EYS: variants seen among roughly 807,000 people sequenced by gnomAD.
The protein encoded by EYS is protein eyes shut homolog.
In EYS, 250 loss-of-function variants were observed where a neutral mutation model predicts 282.1. The ratio of observed to expected loss-of-function variants is 0.89; its 90% CI spans 0.80 to 0.98. The LOEUF (loss-of-function observed/expected upper bound fraction) is 0.98, where lower values mean the gene tolerates loss of function less well. Among genes scored for constraint, EYS ranks in the 50% least tolerant of loss-of-function variants. The pLI is 0.00. For synonymous variants in EYS, 1,355 were observed against 1,282.9 expected, an observed-to-expected ratio of 1.06 and a Z score of -1.20; for missense variants, 4,016 against 3,709.0, an observed-to-expected ratio of 1.08 and a Z score of -2.15.
At chr6:65,067,228 G>A (rs368846711) in intron 12 of EYS, among the ~76,000 whole-genome samples, 50 of 152,098 alleles carry the variant, frequency 3.3e-4, no homozygotes, top group African/African-American at 1.1e-3. Context: ...CCTGCAGCAG[G>A]TCATTTTTAA....
At chr6:65,505,545 T>C (rs1766625376) in intron 2 of EYS, among the ~76,000 whole-genome samples, 1 of 152,078 alleles carries the variant, frequency 6.6e-6, no homozygotes, top group Admixed American at 6.6e-5. Flanking sequence ...TATACGTTTG[T>C]CTCTGTGCAC....
intron 35 of EYS, among the ~76,000 whole-genome samples, chr6:63,930,087 G>A (rs1040205363): frequency 2.0e-5 from 3 of 151,918 alleles, no homozygotes; most frequent in South Asian, 2.1e-4. Flanking sequence ...TCTGTTTTCC[G>A]CCAGTTCCAC....
intron 12 of EYS, among the ~76,000 whole-genome samples, chr6:65,128,461 T>C (rs1000512002): frequency 1.3e-5 from 2 of 151,992 alleles, no homozygotes; most frequent in African/African-American, 4.8e-5. Flanking sequence ...CTAGAACTGA[T>C]AGACAACTTC....
chr6:65,065,475 C>T (rs1409148766), intron 12 of EYS, among the ~76,000 whole-genome samples: 2 of 151,616 alleles, frequency 1.3e-5, no homozygotes, highest in African/African-American at 2.4e-5. Flanking sequence ...CTCCACCTCC[C>T]GGGTTCACGC....
intron 41 of EYS, among the ~76,000 whole-genome samples, chr6:63,743,873 G>A (rs1382196659): frequency 6.6e-6 from 1 of 152,160 alleles, no homozygotes; most frequent in African/African-American, 2.4e-5. Context: ...TTGAACTCTG[G>A]CACTTTGATG....
At chr6:65,109,858 T>C (rs1364925684) in intron 12 of EYS, among the ~76,000 whole-genome samples, 1 of 152,144 alleles carries the variant, frequency 6.6e-6, no homozygotes, top group Non-Finnish European at 1.5e-5. Context: ...TAGTTGCTTA[T>C]TGTATTATAT....
intron 12 of EYS, among the ~76,000 whole-genome samples, chr6:65,224,800 A>C (rs181290155): frequency 5.1e-4 from 77 of 152,280 alleles, no homozygotes; most frequent in South Asian, 1.2e-3. Context: ...TATGCCAATA[A>C]TTTATATAAC....
intron 8 of EYS, among the ~76,000 whole-genome samples, chr6:65,364,924 T>A (rs918652493): frequency 1.3e-5 from 2 of 151,738 alleles, no homozygotes; most frequent in African/African-American, 4.8e-5. Context: ...TCAGTGATAG[T>A]GTGTGTCAAA....
chr6:64,655,258 G>A (rs1338392741), intron 22 of EYS, among the ~76,000 whole-genome samples: 1 of 151,996 alleles, frequency 6.6e-6, no homozygotes, highest in East Asian at 1.9e-4. Context: ...TTGCTGAACT[G>A]CATTAAGAGA....
chr6:64,452,077 T>C (rs1193524009), intron 26 of EYS, among the ~76,000 whole-genome samples: 6 of 152,290 alleles, frequency 3.9e-5, no homozygotes, highest in Non-Finnish European at 7.4e-5. Flanking sequence ...TTGTCCCTGT[T>C]TGCAGACAAC....
intron 2 of EYS, among the ~76,000 whole-genome samples, chr6:65,562,036 T>C (rs1223657885): frequency 6.6e-6 from 1 of 151,436 alleles, no homozygotes; most frequent in Non-Finnish European, 1.5e-5. Flanking sequence ...TATATATGTA[T>C]ATAATAATTT....
At chr6:64,415,758 G>A (rs931998752) in intron 28 of EYS, among the ~76,000 whole-genome samples, 1 of 152,092 alleles carries the variant, frequency 6.6e-6, no homozygotes, top group East Asian at 1.9e-4. Context: ...AAATCATAAG[G>A]CATAAAGCTA....
chr6:65,383,097 A>G (rs901645583), intron 8 of EYS, among the ~76,000 whole-genome samples: 1 of 152,060 alleles, frequency 6.6e-6, no homozygotes. Context: ...TTGACGTTTC[A>G]TATCAGTTTT....
chr6:65,292,245 G>A (rs1171184790), intron 12 of EYS, among the ~76,000 whole-genome samples: 1 of 151,632 alleles, frequency 6.6e-6, no homozygotes, highest in Non-Finnish European at 1.5e-5. Context: ...TAAAATCAAT[G>A]TTATTTGTGC....
rs9452033 is a variant in EYS, at chr6:64,573,086, A to G, written c.5644+17137T>C. 6.9e-3 allele frequency among the ~76,000 whole-genome samples: 1,053 copies of G among 152,276 alleles called. 16 individuals carry two copies. The highest frequency in any genetic ancestry group is 0.024 in the African/African-American group (1,011 of 41,560). On this transcript the variant is annotated intron_variant, in intron 26 of 42. Coordinates refer to ENST00000503581, the MANE Select transcript of EYS (RefSeq NM_001142800.2). ...GGCACCAAAACAGACATACAGACCA[A>G]TGGAACAGAATAGAGGCCTCAGCAA...
intron 31 of EYS, among the ~76,000 whole-genome samples, chr6:64,133,921 A>G (rs191171333): frequency 2.6e-5 from 4 of 151,404 alleles, no homozygotes; most frequent in Admixed American, 2.6e-4. Flanking sequence ...GATGGTTCTT[A>G]TATACGAATG....
chr6:63,953,561 A>G (rs1393317188), intron 35 of EYS, among the ~76,000 whole-genome samples: 1 of 152,170 alleles, frequency 6.6e-6, no homozygotes, highest in African/African-American at 2.4e-5. Flanking sequence ...CTACAAAACA[A>G]CAACTCCTTT....
chr6:64,565,310 TCA>T (rs1313744572), intron 26 of EYS, among the ~76,000 whole-genome samples: 1 of 152,188 alleles, frequency 6.6e-6, no homozygotes, highest in Non-Finnish European at 1.5e-5. Flanking sequence ...CTTAGTAGTT[TCA>T]CAGTTTCAGA....
intron 14 of EYS, among the ~76,000 whole-genome samples, chr6:64,976,717 A>G (rs1218769606): frequency 6.6e-6 from 1 of 151,988 alleles, no homozygotes; most frequent in African/African-American, 2.4e-5. Context: ...TTTATCAAGT[A>G]GTGTTTATTA....
Sources: allele counts gnomAD v4.1 joint callset (sites outside exome capture counted in the v4.1 genomes callset), GRCh38; gene constraint gnomAD v4.1.1; transcripts MANE v1.5; gene names NCBI Gene and HGNC (gene_info 2026-07-23, HGNC 2026-07-21).